The following MAF variants were observed in gnomAD, a reference collection of about 807,000 sequenced individuals.
MAF encodes MAF bZIP transcription factor.
In MAF, 10 loss-of-function variants were observed where a neutral mutation model predicts 22.0. The ratio of observed to expected loss-of-function variants is 0.45; its 90% CI spans 0.28 to 0.77. The LOEUF (loss-of-function observed/expected upper bound fraction) is 0.77, where lower values mean the gene tolerates loss of function less well. MAF is among the 30% of genes least tolerant of loss of function. MAF has a pLI of 0.12. For synonymous variants in MAF, 337 were observed against 255.8 expected (o/e 1.32, Z -3.03); for missense variants, 544 against 548.4 (o/e 0.99, Z 0.08).
the MAF span, among the ~76,000 whole-genome samples, chr16:79,328,752 G>C: frequency 1.3e-5 from 2 of 152,196 alleles, no homozygotes; most frequent in South Asian, 4.1e-4. Context: ...TCTCCAACCA[G>C]CTTGTAATTA....
chr16:79,589,943 C>T (rs2143724811), downstream of MAF, among the ~76,000 whole-genome samples: 1 of 152,244 alleles, frequency 6.6e-6, no homozygotes, highest in African/African-American at 2.4e-5. Context: ...GGCACTGCCG[C>T]GGGTCTGGGA....
At chr16:79,279,414 T>C in the MAF span, among the ~76,000 whole-genome samples, 1 of 152,324 alleles carries the variant, frequency 6.6e-6, no homozygotes. Flanking sequence ...GGTTAGTGGC[T>C]CTGAGTTTCA....
At chr16:79,304,356 G>GA in the MAF span, among the ~76,000 whole-genome samples, 2 of 152,172 alleles carry the variant, frequency 1.3e-5, no homozygotes, top group Admixed American at 1.3e-4. Context: ...GACACTGGGT[G>GA]ATACTGTATC....
the MAF span, among the ~76,000 whole-genome samples, chr16:79,262,936 G>C: frequency 2.0e-5 from 3 of 152,196 alleles, no homozygotes; most frequent in Non-Finnish European, 1.5e-5. Flanking sequence ...TTGCAGCAGA[G>C]TAATGAGTAG....
At chr16:79,433,879 C>T in the MAF span, among the ~76,000 whole-genome samples, 102,621 of 152,058 alleles carry the variant, frequency 0.67, 34,635 homozygotes, top group East Asian at 0.8. Context: ...CTGGTCCCCT[C>T]GCACTCCTAC....
At chr16:79,405,187 G>C in the MAF span, among the ~76,000 whole-genome samples, 19 of 152,278 alleles carry the variant, frequency 1.2e-4, no homozygotes, top group African/African-American at 4.6e-4. Flanking sequence ...TAGGACCCCA[G>C]GGGAGAAGGG....
the MAF span, among the ~76,000 whole-genome samples, chr16:79,305,763 T>C: frequency 6.6e-6 from 1 of 152,224 alleles, no homozygotes; most frequent in East Asian, 1.9e-4. Flanking sequence ...TACTGAAAGG[T>C]CAATGGGGGA....
the MAF span, among the ~76,000 whole-genome samples, chr16:79,445,819 T>C: frequency 2.6e-5 from 4 of 152,254 alleles, no homozygotes; most frequent in Admixed American, 2.0e-4. Context: ...AATGTTTTGA[T>C]TGTGGTGTAT....
the MAF span, among the ~76,000 whole-genome samples, chr16:79,472,667 G>A: frequency 6.6e-6 from 1 of 151,956 alleles, no homozygotes; most frequent in Non-Finnish European, 1.5e-5. Context: ...TTCCTTCTAG[G>A]GTGTAGAAAT....
chr16:79,474,658 T>C, the MAF span, among the ~76,000 whole-genome samples: 37 of 152,276 alleles, frequency 2.4e-4, no homozygotes, highest in African/African-American at 8.4e-4. Flanking sequence ...ATTCTTTTTC[T>C]TTTTTTGTCC....
the MAF span, among the ~76,000 whole-genome samples, chr16:79,224,926 G>A: frequency 6.6e-6 from 1 of 152,150 alleles, no homozygotes; most frequent in Non-Finnish European, 1.5e-5. Context: ...TTGTGAAAAT[G>A]GCCATACTGC....
chr16:79,298,348 G>C, the MAF span, among the ~76,000 whole-genome samples: 1 of 152,232 alleles, frequency 6.6e-6, no homozygotes, highest in East Asian at 1.9e-4. Flanking sequence ...TTTTACAGAG[G>C]CACCTCTTGT....
At chr16:79,365,782 C>T in the MAF span, among the ~76,000 whole-genome samples, 1 of 152,168 alleles carries the variant, frequency 6.6e-6, no homozygotes, top group Non-Finnish European at 1.5e-5. Flanking sequence ...TTTCCTAGAA[C>T]CATGAAATTG....
chr16:79,229,239 G>A, the MAF span: 1 of 151,740 alleles, frequency 6.6e-6, no homozygotes, highest in Non-Finnish European at 1.5e-5. Context: ...CTCCAGGCCA[G>A]AAAAGCCTCT....
At chr16:79,500,852 CAG>C in the MAF span, among the ~76,000 whole-genome samples, 1 of 152,260 alleles carries the variant, frequency 6.6e-6, no homozygotes, top group African/African-American at 2.4e-5. Flanking sequence ...TAGACCTTCT[CAG>C]AGAGTGTATG....
At chr16:79,284,958 A>G in the MAF span, among the ~76,000 whole-genome samples, 1 of 152,194 alleles carries the variant, frequency 6.6e-6, no homozygotes, top group South Asian at 2.1e-4. Context: ...CTCTTTACAG[A>G]TTGCAGATTT....
chr16:79,316,307 T>C, the MAF span, among the ~76,000 whole-genome samples: 12,894 of 152,208 alleles, frequency 0.085, 1,273 homozygotes, highest in East Asian at 0.41. Flanking sequence ...ACTTTCAGCT[T>C]GTGCAATGTT....
chr16:79,204,845 G>A, the MAF span: 1 of 152,298 alleles, frequency 6.6e-6, no homozygotes, highest in East Asian at 1.9e-4. Flanking sequence ...TGAACCTGCT[G>A]GTCTCCAGGC....
the MAF span, among the ~76,000 whole-genome samples, chr16:79,392,175 G>A: frequency 1.4e-5 from 2 of 147,118 alleles, no homozygotes; most frequent in African/African-American, 5.0e-5. Context: ...AGAGAGGGAA[G>A]AAGGAAGAGA....
Sources: allele counts gnomAD v4.1 joint callset (sites outside exome capture counted in the v4.1 genomes callset), GRCh38; gene constraint gnomAD v4.1.1; transcripts MANE v1.5; gene names NCBI Gene and HGNC (gene_info 2026-07-23, HGNC 2026-07-21).